Variants in KIFC3 observed in about 807,000 individuals in gnomAD.
The protein encoded by KIFC3 is kinesin-like protein KIFC3.
Under a neutral mutation model 101.8 loss-of-function variants are expected in KIFC3, and 60 were observed. The ratio of observed to expected loss-of-function variants is 0.59; its 90% confidence interval spans 0.48 to 0.73. The LOEUF (loss-of-function observed/expected upper bound fraction) is 0.73. Among genes scored for constraint, KIFC3 ranks in the 30% least tolerant of loss-of-function variants. The probability of loss-of-function intolerance (pLI) is 0.00; values close to 1 mark genes in which losing one functional copy is unlikely to be tolerated. For missense variants in KIFC3, 966 were observed against 1,137.1 expected (o/e 0.85, Z 2.16); for synonymous variants, 476 against 482.7 (o/e 0.99, Z 0.18).
In KIFC3 at chr16:57,760,803, G is replaced by A. The variant is rs1555595827; in HGVS notation, c.2155C>T (p.Pro719Ser). The A allele has an allele frequency of 6.2e-7, 1 of 1,613,762 alleles. No individual in the cohort carries two copies. The highest frequency in any genetic ancestry group is 1.7e-5 in the Admixed American group (1 of 60,026). Reference sequence around the variant, plus strand: ...TAGGTGAGCTTGGAGTTGCGGAAGGGCACGTGGCCCTGGCGGGAGCGCAGG... The same window carrying A: ...TAGGTGAGCTTGGAGTTGCGGAAGGACACGTGGCCCTGGCGGGAGCGCAGG... ...AALRSRQGHVPFRNSKLTYLL... is the reference protein window; with the variant it reads ...AALRSRQGHVSFRNSKLTYLL... The change falls in exon 16 of 20, where the codon CCC becomes TCC. Residue 719 changes from proline to serine, a missense_variant. By Grantham distance (74) the Pro-to-Ser change is moderately conservative. Transcript: ENST00000445690.
At position 57,769,225 on chromosome 16, in the gene KIFC3, G is replaced by A. The variant is rs1357721860; in HGVS notation, c.1218+370C>T. The stretch of plus-strand genomic sequence containing the variant: ...TAATTTTTGTAATTTTAGTAGAGAC[G>A]AAGTTTCGCCTTGTTGGCCAGGCTG... On this transcript the variant is annotated intron_variant, in intron 9 of 19. Coordinates refer to ENST00000445690, the MANE Select transcript of KIFC3 (RefSeq NM_001130100.2). The surrounding 1 kb of genome is among the most constrained non-coding windows in gnomAD (Gnocchi z 4.3). Among the ~76,000 whole-genome samples, 2 of 152,080 alleles carry A rather than the reference G, an allele frequency of 1.3e-5. No homozygotes were observed. The highest frequency in any genetic ancestry group is 4.8e-5 in the African/African-American group (2 of 41,414).
rs180958871 is a variant in KIFC3, at chr16:57,758,244, A to G, written c.*690T>C. The G allele has an allele frequency of 1.8e-5, 4 of 227,602 alleles. No individual in the cohort carries two copies. The East Asian group carries it at 5.5e-4, about 31-fold the overall frequency. 14.1% of individuals were successfully genotyped at this position (227,602 alleles called of 1,614,324 possible). A position where few individuals can be genotyped will look rare whatever the true frequency, so the allele number is the denominator to read the frequency against. Reference sequence around the variant, plus strand: ...GTGTAAAAAGGCTTCTTTTATTTTAATAAGTAAAAATGGCTAAGCTTCCAA... The same window carrying G: ...GTGTAAAAAGGCTTCTTTTATTTTAGTAAGTAAAAATGGCTAAGCTTCCAA... On this transcript the variant is annotated 3_prime_UTR_variant, in exon 20 of 20. Transcript: ENST00000445690.
intron 11 of KIFC3, 25 bp from the exon 12 acceptor site, chr16:57,764,272 T>TGGGGG: frequency 2.0e-6 from 1 of 495,560 alleles, no homozygotes; most frequent in Middle Eastern, 5.9e-4. Flanking sequence ...GGAGGGAGGC[T>TGGGGG]GGTGGGGGGG....
chr16:57,857,268 GCTT>G (rs1423745624), intron 1 of KIFC3, among the ~76,000 whole-genome samples: 1 of 152,028 alleles, frequency 6.6e-6, no homozygotes, highest in African/African-American at 2.4e-5. Context: ...TTAGATACTG[GCTT>G]CTTCTTCCTT....
At chr16:57,831,950 C>T (rs1163948933) in intron 1 of KIFC3, among the ~76,000 whole-genome samples, 1 of 152,144 alleles carries the variant, frequency 6.6e-6, no homozygotes, top group Non-Finnish European at 1.5e-5. Context: ...GGATAGGATA[C>T]AAAATGAATT....
chr16:57,824,720 T>G (rs2055423293), intron 1 of KIFC3, among the ~76,000 whole-genome samples: 3 of 151,868 alleles, frequency 2.0e-5, no homozygotes, highest in Non-Finnish European at 4.4e-5. Flanking sequence ...AACAAAAGAT[T>G]CCATGTAGCC....
intron 3 of KIFC3, among the ~76,000 whole-genome samples, chr16:57,781,300 G>A (rs1478508981): frequency 1.3e-5 from 2 of 152,202 alleles, no homozygotes; most frequent in East Asian, 3.9e-4. Context: ...GGGTGACAGA[G>A]TGAGACCCTG....
chr16:57,802,611 G>A (rs1207728370), upstream of KIFC3: 1 of 989,864 alleles, frequency 1.0e-6, no homozygotes, highest in Non-Finnish European at 1.2e-6. This position sits in a 1 kb window ranked among gnomAD's most constrained non-coding sequence, Gnocchi z 5.0. Flanking sequence ...TGGCGCGCAC[G>A]CGTCAGCCCG....
intron 1 of KIFC3, among the ~76,000 whole-genome samples, chr16:57,831,755 G>A (rs1209764330): frequency 6.6e-6 from 1 of 152,168 alleles, no homozygotes; most frequent in Non-Finnish European, 1.5e-5. Context: ...AGCTCTCCGT[G>A]GATACAGCTG....
chr16:57,764,321 C>T (rs2050205549), intron 11 of KIFC3, 74 bp from the exon 12 acceptor site: 4 of 847,736 alleles, frequency 4.7e-6, no homozygotes, highest in Admixed American at 2.1e-5. Context: ...CAAGTCCAGC[C>T]ACCTCCCCAA....
intron 1 of KIFC3, among the ~76,000 whole-genome samples, chr16:57,858,857 C>T (rs543195796): frequency 2.0e-5 from 3 of 151,942 alleles, no homozygotes; most frequent in South Asian, 2.1e-4. Flanking sequence ...GGCTGAGGCA[C>T]GAGAATAGCT....
intron 1 of KIFC3, among the ~76,000 whole-genome samples, chr16:57,861,950 AAAT>A (rs1348891087): frequency 6.6e-5 from 10 of 152,148 alleles, no homozygotes; most frequent in Non-Finnish European, 1.2e-4. Context: ...CTCTGCCTCA[AAAT>A]AATAATAGTA....
Position 57,848,225 on chromosome 16 carries a change from A to G in KIFC3, c.108+14504T>C, listed in dbSNP as rs537617626. ...ATTTTGGAGATTCTATTAAAGCTATAAGCTCGTTTTGTTCAGATGAACATT... is the reference window on the plus strand; with the variant it reads ...ATTTTGGAGATTCTATTAAAGCTATGAGCTCGTTTTGTTCAGATGAACATT... On this transcript the variant is annotated intron_variant, in intron 1 of 2. Coordinates refer to the KIFC3 transcript ENST00000563028. Among the ~76,000 whole-genome samples, 15 of 152,328 alleles carry G rather than the reference A, an allele frequency of 9.8e-5. No individual in the cohort carries two copies. In the East Asian group the frequency reaches 2.1e-3, roughly 22 times the overall value.
chr16:57,762,005 T>G, intron 13 of KIFC3, 135 bp downstream of exon 13: 1 of 1,151,694 alleles, frequency 8.7e-7, no homozygotes, highest in Non-Finnish European at 1.2e-6. Flanking sequence ...GCACCACCCC[T>G]GAGGATCCCA....
chr16:57,785,318 C>T (rs946644517), intron 3 of KIFC3: 25 of 268,922 alleles, frequency 9.3e-5, no homozygotes, highest in Non-Finnish European at 1.4e-4. Context: ...CTCTCACCAC[C>T]CTACCCTCCA....
intron 1 of KIFC3, among the ~76,000 whole-genome samples, chr16:57,850,585 C>T (rs247049): frequency 0.34 from 49,851 of 147,446 alleles, 9,609 homozygotes; most frequent in Non-Finnish European, 0.44. Flanking sequence ...AAGCGATTCT[C>T]CTGCCTCAGC....
intron 4 of KIFC3, 127 bp from the exon 5 acceptor site, chr16:57,771,813 G>GAGAAAA (rs566572996): frequency 6.6e-6 from 8 of 1,216,182 alleles, no homozygotes; most frequent in Admixed American, 5.7e-5. Context: ...CAGAGGGAAG[G>GAGAAAA]AGAAAAAGAA....
chr16:57,794,131 C>T (rs1049314282), intron 3 of KIFC3, among the ~76,000 whole-genome samples: 1 of 152,118 alleles, frequency 6.6e-6, no homozygotes, highest in South Asian at 2.1e-4. Flanking sequence ...TAATGCCTGG[C>T]ACAGAGTCCA....
chr16:57,797,689 C>T (rs2054448886), intron 2 of KIFC3: 1 of 1,134,598 alleles, frequency 8.8e-7, no homozygotes, highest in Admixed American at 4.7e-5. Context: ...GGTGCCCAGG[C>T]AGCCACTTCA....
Sources: allele counts gnomAD v4.1 joint callset (sites outside exome capture counted in the v4.1 genomes callset), GRCh38; gene constraint gnomAD v4.1.1; non-coding constraint Gnocchi (gnomAD v3.1); transcripts MANE v1.5; gene names NCBI Gene and HGNC (gene_info 2026-07-23, HGNC 2026-07-21).